The following CTNNA3 variants were observed in gnomAD, a reference collection of about 807,000 sequenced individuals.
The protein encoded by CTNNA3 is catenin alpha 3.
A neutral mutation model predicts 95.7 loss-of-function variants in CTNNA3; 76 were observed. The ratio of observed to expected loss-of-function variants is 0.79; its 90% confidence interval spans 0.66 to 0.96. The LOEUF (loss-of-function observed/expected upper bound fraction) is 0.96, where lower values mean the gene tolerates loss of function less well. Ranked by LOEUF, CTNNA3 falls within the 40% of genes least tolerant of loss-of-function variation. CTNNA3 has a pLI of 0.00. For missense variants in CTNNA3, 1,191 were observed against 1,089.8 expected (o/e 1.09, Z -1.31); for synonymous variants, 431 against 374.4 (o/e 1.15, Z -1.74).
At chr10:65,932,445 C>T (rs2077269710) in intron 17 of CTNNA3, among the ~76,000 whole-genome samples, 2 of 152,112 alleles carry the variant, frequency 1.3e-5, no homozygotes, top group Admixed American at 6.6e-5. Context: ...TATCTATAAT[C>T]CTAGTAACAG....
chr10:67,038,605 G>A (rs1854208770), intron 7 of CTNNA3, among the ~76,000 whole-genome samples: 1 of 152,022 alleles, frequency 6.6e-6, no homozygotes. Context: ...GTGCATAATA[G>A]CAGCTAGTAT....
At chr10:66,890,914 G>A (rs928271275) in intron 7 of CTNNA3, among the ~76,000 whole-genome samples, 1 of 152,020 alleles carries the variant, frequency 6.6e-6, no homozygotes, top group African/African-American at 2.4e-5. Context: ...AAGGAGCAGG[G>A]GCAGGATAAG....
At chr10:66,418,297 T>C (rs959656185) in intron 11 of CTNNA3, among the ~76,000 whole-genome samples, 1 of 151,470 alleles carries the variant, frequency 6.6e-6, no homozygotes. Context: ...GCTAGAAACA[T>C]ACATACAACT....
intron 12 of CTNNA3, among the ~76,000 whole-genome samples, chr10:66,357,986 C>T (rs74141456): frequency 0.091 from 13,873 of 152,218 alleles, 780 homozygotes; most frequent in East Asian, 0.21. Context: ...AGGTACGTGT[C>T]CTTCAAGCAC....
At chr10:65,985,200 A>G (rs2078403841) in intron 16 of CTNNA3, among the ~76,000 whole-genome samples, 1 of 151,092 alleles carries the variant, frequency 6.6e-6, no homozygotes, top group South Asian at 2.1e-4. Context: ...CATTATAAAA[A>G]GAAGCCCAAA....
At chr10:66,701,150 C>A (rs539474225) in intron 9 of CTNNA3, among the ~76,000 whole-genome samples, 4 of 152,100 alleles carry the variant, frequency 2.6e-5, no homozygotes, top group South Asian at 2.1e-4. Context: ...TGCCTTTGAA[C>A]TTTGGTTGAG....
chr10:67,729,759 T>G (rs1841264269), intron 1 of CTNNA3, among the ~76,000 whole-genome samples: 1 of 152,106 alleles, frequency 6.6e-6, no homozygotes, highest in South Asian at 2.1e-4. Context: ...ATTAAAACAT[T>G]TTAGAACTAG....
chr10:66,410,947 T>C lies in CTNNA3; in HGVS notation c.1532-31595A>G, dbSNP rs550002490. Among the ~76,000 whole-genome samples, 89 of 152,316 alleles carry C rather than the reference T, an allele frequency of 5.8e-4. 1 individual carries two copies. The South Asian group carries it at 0.017, about 30-fold the overall frequency. The stretch of plus-strand genomic sequence containing the variant: ...AGCCCTCTCAATATATAGAAGAGTA[T>C]AGAGATCTAAAGAGTGAAGTGAATT... On this transcript the variant is annotated intron_variant, in intron 11 of 17. Coordinates refer to ENST00000433211, the MANE Select transcript of CTNNA3 (RefSeq NM_013266.4).
chr10:66,157,480 T>C (rs2394196), intron 13 of CTNNA3, among the ~76,000 whole-genome samples: 25 of 125,980 alleles, frequency 2.0e-4, no homozygotes, highest in South Asian at 9.8e-4. Flanking sequence ...AGATGATAGA[T>C]AGATAGATAT....
At chr10:66,191,143 A>C (rs1003981183) in intron 13 of CTNNA3, among the ~76,000 whole-genome samples, 1 of 152,186 alleles carries the variant, frequency 6.6e-6, no homozygotes, top group African/African-American at 2.4e-5. Flanking sequence ...GAGGTTCTAA[A>C]TCTAAGAACT....
chr10:66,950,114 G>T (rs1391152064), intron 7 of CTNNA3, among the ~76,000 whole-genome samples: 1 of 151,972 alleles, frequency 6.6e-6, no homozygotes, highest in Non-Finnish European at 1.5e-5. Context: ...TCTCTAATTT[G>T]CTCAAATTAT....
intron 7 of CTNNA3, among the ~76,000 whole-genome samples, chr10:67,029,794 C>A (rs1002529486): frequency 6.6e-6 from 1 of 152,164 alleles, no homozygotes; most frequent in South Asian, 2.1e-4. Context: ...TAGCCACTAA[C>A]CTCATGTACC....
chr10:67,529,653 TAAATAAAATAAAATA>T (rs756383076), intron 4 of CTNNA3, among the ~76,000 whole-genome samples: 1 of 150,794 alleles, frequency 6.6e-6, no homozygotes, highest in Non-Finnish European at 1.5e-5. Flanking sequence ...AATAATACAA[TAAATAAAATAAAATA>T]AAATAAAATA....
intron 11 of CTNNA3, among the ~76,000 whole-genome samples, chr10:66,472,578 A>G (rs1366039973): frequency 6.6e-6 from 1 of 152,006 alleles, no homozygotes; most frequent in Non-Finnish European, 1.5e-5. Flanking sequence ...GTTTTCTTAT[A>G]AAAATATTTT....
At chr10:66,486,846 C>A (rs1021373734) in intron 11 of CTNNA3, among the ~76,000 whole-genome samples, 11 of 150,848 alleles carry the variant, frequency 7.3e-5, no homozygotes, top group African/African-American at 2.7e-4. Flanking sequence ...CACACACACA[C>A]AAAATGAAAT....
intron 2 of CTNNA3, among the ~76,000 whole-genome samples, chr10:67,621,108 C>T (rs1488985877): frequency 2.6e-5 from 4 of 151,954 alleles, no homozygotes; most frequent in Admixed American, 2.6e-4. Flanking sequence ...ACATGGTAAT[C>T]ACCTGGGAGC....
chr10:67,416,626 A>C (rs1341530596), intron 5 of CTNNA3, among the ~76,000 whole-genome samples: 1 of 150,716 alleles, frequency 6.6e-6, no homozygotes, highest in African/African-American at 2.4e-5. Context: ...AAAAAAAAAA[A>C]AAAAACAAGT....
chr10:67,023,335 T>C (rs1853147426), intron 7 of CTNNA3, among the ~76,000 whole-genome samples: 1 of 152,130 alleles, frequency 6.6e-6, no homozygotes, highest in Non-Finnish European at 1.5e-5. Flanking sequence ...CATTCCTCCA[T>C]GAAAAGTTTC....
At chr10:67,189,566 T>C (rs1338066789) in intron 6 of CTNNA3, among the ~76,000 whole-genome samples, 1 of 151,820 alleles carries the variant, frequency 6.6e-6, no homozygotes, top group Non-Finnish European at 1.5e-5. Context: ...AAACATCATG[T>C]TATACACCAC....
Sources: gnomAD v4.1 joint callset for allele counts (sites outside exome capture counted in the v4.1 genomes callset) on GRCh38, gnomAD v4.1.1 for gene constraint, MANE v1.5 for transcripts, NCBI Gene and HGNC (gene_info 2026-07-23, HGNC 2026-07-21) for gene names.